LTF: variants seen among roughly 807,000 people sequenced by gnomAD.
LTF encodes lactotransferrin.
LTF carries 91 observed loss-of-function variants against 87.2 expected under a neutral mutation model. The ratio of observed to expected loss-of-function variants is 1.04; its 90% CI spans 0.88 to 1.24. The LOEUF (loss-of-function observed/expected upper bound fraction) is 1.24, where lower values mean the gene tolerates loss of function less well. Ranked by LOEUF, LTF falls within the 50% of genes most tolerant of loss-of-function variation. The pLI is 0.00. For synonymous variants in LTF, 378 were observed against 356.1 expected (o/e 1.06, Z -0.69); for missense variants, 901 against 904.3 (o/e 1.00, Z 0.05).
At chr3:46,454,413 T>C in intron 5 of LTF, 53 bp from the exon 6 acceptor site, 1 of 1,443,756 alleles carries the variant, frequency 6.9e-7, no homozygotes, top group East Asian at 2.3e-5. Flanking sequence ...CCCCAGCCCC[T>C]CCCTGTGGAA....
chr3:46,445,158 T>C, intron 12 of LTF, 123 bp downstream of exon 12: 7 of 1,029,398 alleles, frequency 6.8e-6, no homozygotes, highest in Non-Finnish European at 8.3e-6. Flanking sequence ...TTCCTTATGC[T>C]GGAAGAGGCC....
intron 4 of LTF, 44 bp downstream of exon 4, chr3:46,455,752 G>T: frequency 6.6e-7 from 1 of 1,523,520 alleles, no homozygotes; most frequent in Non-Finnish European, 8.8e-7. Context: ...AACTGGAATA[G>T]AGCCCCCTGC....
intron 1 of LTF, among the ~76,000 whole-genome samples, chr3:46,464,469 A>G (rs1184327993): frequency 6.6e-6 from 1 of 152,162 alleles, no homozygotes; most frequent in Non-Finnish European, 1.5e-5. Context: ...TCCTTGAGCT[A>G]GTCGCTCACC....
intron 1 of LTF, among the ~76,000 whole-genome samples, chr3:46,478,912 C>T (rs1400234252): frequency 1.3e-5 from 2 of 152,220 alleles, no homozygotes; most frequent in Non-Finnish European, 2.9e-5. Context: ...TGACACAGTG[C>T]GGCCAGGTAG....
chr3:46,468,431 T>C, upstream of LTF: 1 of 424,740 alleles, frequency 2.4e-6, no homozygotes, highest in South Asian at 1.7e-5. Context: ...AGAGCTAGTG[T>C]TCAACAGGCA....
At chr3:46,474,924 C>T (rs1703340039) in intron 1 of LTF, among the ~76,000 whole-genome samples, 1 of 152,086 alleles carries the variant, frequency 6.6e-6, no homozygotes. Context: ...GAAAATACAG[C>T]ATATCAAAAT....
At position 46,450,003 on chromosome 3, in the gene LTF, G is replaced by C. The variant is rs200379115; in HGVS notation, c.908C>G (p.Pro303Arg). 3.1e-6 allele frequency: 5 copies of C among 1,608,288 alleles called. No homozygotes were observed. The highest frequency in any genetic ancestry group is 4.2e-6 in the Non-Finnish European group (5 of 1,177,168). ...AQEKFGKDKS[P>R]KFQLFGSPSG... ...AGGGGAGCCAAAGAGCTGGAATTTC[G>C]GTGACTTGTCCTTTCCAAACTTTTC... is the stretch of plus-strand genomic sequence containing the variant. Residue 303 changes from proline (P) to arginine (R), a missense_variant, in exon 8 of 17, where the codon CCG becomes CGG. Pro to Arg is a moderately radical substitution (Grantham distance 103). Transcript: ENST00000231751.
Position 46,482,617 on chromosome 3 carries a change from A to AAAGAAAGAAAGAAAG in LTF, c.-320+2354_-320+2368dup, listed in dbSNP as rs1383689045. On this transcript the variant is annotated intron_variant, in intron 1 of 19. Transcript: ENST00000443496. ...AGAGAGAAAGAAAGAAAGAAGAAAGAAAGAAAGAAAGAAAGAAAGAAAGAA... is the reference window on the plus strand; with the variant it reads ...AGAGAGAAAGAAAGAAAGAAGAAAGAAAGAAAGAAAGAAAGAAGAAAGAAAGAAAGAAAGAAAGAA... 2.6e-3 allele frequency among the ~76,000 whole-genome samples: 110 copies of AAAGAAAGAAAGAAAG among 41,614 alleles called. 1 individual carries two copies. The highest frequency in any genetic ancestry group is 8.7e-3 in the East Asian group (10 of 1,144). 27.3% of individuals were successfully genotyped at this position (41,614 alleles called of 152,430 possible). A position where few individuals can be genotyped will look rare whatever the true frequency, so the allele number is the denominator to read the frequency against.
intron 9 of LTF, among the ~76,000 whole-genome samples, chr3:46,448,572 A>G (rs1444379106): frequency 6.6e-6 from 1 of 152,166 alleles, no homozygotes; most frequent in Non-Finnish European, 1.5e-5. Flanking sequence ...GTGAGATCAC[A>G]GGTGGTTTGG....
At chr3:46,482,521 AAGGGAAG>A (rs1703446687) in intron 1 of LTF, among the ~76,000 whole-genome samples, 3 of 73,902 alleles carry the variant, frequency 4.1e-5, no homozygotes, top group Non-Finnish European at 7.9e-5. Flanking sequence ...AAGGGAAGGG[AAGGGAAG>A]GGAAGGGAAG....
rs1277290566 is a variant in LTF, at chr3:46,436,053, G to GAC, written c.*140_*141dup. On this transcript the variant is annotated 3_prime_UTR_variant, in exon 17 of 17. Transcript: ENST00000231751. ...TTCTCATTTTACTTCTTGCTAAGAC[G>GAC]ACAGCAGGGAATTGTAAGCAGATGG... 22 of 748,470 alleles carry GAC rather than the reference G, an allele frequency of 2.9e-5. No individual in the cohort carries two copies. Among genetic ancestry groups the GAC allele is most frequent in the Non-Finnish European group, 4.9e-5 (21 of 428,834 alleles). The allele number at this position is 748,470 out of a possible 1,614,324, so 46.4% of individuals were successfully genotyped here.
At chr3:46,439,250 T>A (rs766794773) in intron 15 of LTF, 46 bp downstream of exon 15, 1 of 1,543,534 alleles carries the variant, frequency 6.5e-7, no homozygotes, top group Admixed American at 1.9e-5. Context: ...TCACCTAACA[T>A]GAGCCCACAC....
At chr3:46,462,713 G>A (rs1276004042) in intron 1 of LTF, among the ~76,000 whole-genome samples, 1 of 152,154 alleles carries the variant, frequency 6.6e-6, no homozygotes, top group Admixed American at 6.5e-5. Context: ...TGAGACCTGG[G>A]AACAGGCAGA....
At chr3:46,461,274 A>G (rs1276636191) in intron 1 of LTF, among the ~76,000 whole-genome samples, 1 of 152,276 alleles carries the variant, frequency 6.6e-6, no homozygotes, top group Admixed American at 6.5e-5. Context: ...CAGAGTTCCA[A>G]TAGGACCCAA....
In LTF at chr3:46,445,334, C is replaced by T. The variant is rs765635574; in HGVS notation, c.1460G>A (p.Gly487Asp). The change falls in exon 12 of 17, where the codon GGC becomes GAC. Residue 487 changes from glycine to aspartate, a missense_variant. Transcript: ENST00000231751. The stretch of plus-strand genomic sequence containing the variant: ...GAGCAGGCCCATGGGGATATTCCAG[C>T]CTGCAGTCCTGTCCACGGCGGTGTG... ...SCHTAVDRTA[G>D]WNIPMGLLFN... The T allele has an allele frequency of 6.2e-7, 1 of 1,613,814 alleles. No individual in the cohort carries two copies. The highest frequency in any genetic ancestry group is 8.5e-7 in the Non-Finnish European group (1 of 1,179,872).
Position 46,464,816 on chromosome 3 carries a change from T to C in LTF, c.43+9A>G, listed in dbSNP as rs1703173711. ...CAGGCGGCTCGCGCCCCCAGGCACC[T>C]GCACTCACCGAGGGCCCCGAGGAAC... On this transcript the variant is annotated intron_variant, in intron 1 of 16. Transcript: ENST00000231751. The C allele has an allele frequency of 6.2e-7, 1 of 1,614,062 alleles. No homozygotes were observed. The highest frequency in any genetic ancestry group is 8.5e-7 in the Non-Finnish European group (1 of 1,179,974).
intron 4 of LTF, 132 bp downstream of exon 4, chr3:46,455,664 T>C: frequency 8.5e-7 from 1 of 1,178,342 alleles, no homozygotes; most frequent in Non-Finnish European, 1.2e-6. Flanking sequence ...CAGCAGGATG[T>C]TACAAGCTGG....
intron 11 of LTF, among the ~76,000 whole-genome samples, chr3:46,445,782 C>T (rs1702638411): frequency 6.6e-6 from 1 of 152,212 alleles, no homozygotes; most frequent in Admixed American, 6.5e-5. Context: ...AGAGAGACCC[C>T]AACAGTGCAT....
chr3:46,447,478 T>C, intron 9 of LTF, 80 bp from the exon 10 acceptor site: 4 of 992,946 alleles, frequency 4.0e-6, no homozygotes, highest in Non-Finnish European at 4.8e-6. Context: ...TCTGAGAGAA[T>C]GGTTTTCTGT....
Sources: allele counts gnomAD v4.1 joint callset (sites outside exome capture counted in the v4.1 genomes callset), GRCh38; gene constraint gnomAD v4.1.1; transcripts MANE v1.5; gene names NCBI Gene and HGNC (gene_info 2026-07-23, HGNC 2026-07-21).